LRMDA: variants seen among roughly 807,000 people sequenced by gnomAD.
LRMDA encodes leucine rich melanocyte differentiation associated.
LRMDA carries 18 observed loss-of-function variants against 29.8 expected under a neutral mutation model. That is an observed-to-expected ratio of 0.60 (90% CI 0.42 to 0.90). The LOEUF (loss-of-function observed/expected upper bound fraction) is 0.90, where lower values mean the gene tolerates loss of function less well. Among genes scored for constraint, LRMDA ranks in the 40% least tolerant of loss-of-function variants. The pLI, the probability that LRMDA is intolerant of heterozygous loss-of-function variation, is 0.00. For synonymous variants in LRMDA, 125 were observed against 109.4 expected (o/e 1.14, Z -0.89); for missense variants, 273 against 273.9 (o/e 1.00, Z 0.02).
chr10:75,591,942 C>A (rs1346045446), intron 2 of LRMDA, among the ~76,000 whole-genome samples: 1 of 151,562 alleles, frequency 6.6e-6, no homozygotes, highest in African/African-American at 2.4e-5. Flanking sequence ...TGTGAAAAGT[C>A]AAAAGAAGTG....
chr10:75,776,737 G>T (rs115249813), intron 2 of LRMDA, among the ~76,000 whole-genome samples: 1 of 152,148 alleles, frequency 6.6e-6, no homozygotes, highest in Non-Finnish European at 1.5e-5. Context: ...AATTTAAACC[G>T]CACCTGTTTA....
At chr10:75,907,368 A>G (rs751238609) in intron 2 of LRMDA, among the ~76,000 whole-genome samples, 1 of 152,208 alleles carries the variant, frequency 6.6e-6, no homozygotes, top group Non-Finnish European at 1.5e-5. Context: ...ACACATGCTG[A>G]TATTAGCTCG....
intron 6 of LRMDA, among the ~76,000 whole-genome samples, chr10:76,446,038 A>C (rs1314828194): frequency 6.6e-6 from 1 of 152,190 alleles, no homozygotes. Flanking sequence ...GTGTGTAGCT[A>C]GTCCTTTTAT....
chr10:76,506,833 C>T (rs1460437067), intron 6 of LRMDA, among the ~76,000 whole-genome samples: 5 of 151,776 alleles, frequency 3.3e-5, no homozygotes, highest in Non-Finnish European at 7.4e-5. Context: ...TTCCATTGTG[C>T]GTATATAACA....
intron 5 of LRMDA, among the ~76,000 whole-genome samples, chr10:76,228,881 G>A (rs560109285): frequency 2.0e-5 from 3 of 152,316 alleles, no homozygotes; most frequent in African/African-American, 7.2e-5. Flanking sequence ...TTTTGGGCAA[G>A]GCCTATTATT....
chr10:76,348,141 AC>A (rs1430925293), intron 6 of LRMDA, among the ~76,000 whole-genome samples: 7 of 152,136 alleles, frequency 4.6e-5, no homozygotes, highest in Admixed American at 4.6e-4. Context: ...TCAATGAAAA[AC>A]AGAGATTAGA....
At chr10:76,489,477 G>C (rs1245675764) in intron 6 of LRMDA, among the ~76,000 whole-genome samples, 2 of 151,338 alleles carry the variant, frequency 1.3e-5, no homozygotes, top group Non-Finnish European at 2.9e-5. Flanking sequence ...TAATTTCATT[G>C]ATCTTTTGTA....
intron 2 of LRMDA, among the ~76,000 whole-genome samples, chr10:76,031,634 G>C (rs1402962299): frequency 6.6e-6 from 1 of 152,106 alleles, no homozygotes; most frequent in Non-Finnish European, 1.5e-5. Context: ...ACAGGCAGCA[G>C]CCAGCCCTTG....
At chr10:76,001,999 T>G (rs1409205582) in intron 2 of LRMDA, among the ~76,000 whole-genome samples, 3 of 152,156 alleles carry the variant, frequency 2.0e-5, no homozygotes, top group Non-Finnish European at 4.4e-5. Context: ...CTTACTCAGC[T>G]TGGGCTGCCA....
intron 5 of LRMDA, among the ~76,000 whole-genome samples, chr10:76,074,893 T>C (rs1848933441): frequency 6.6e-6 from 1 of 152,166 alleles, no homozygotes; most frequent in African/African-American, 2.4e-5. Context: ...CACTGATAAC[T>C]CCTTGATGGA....
At chr10:76,349,461 C>A (rs1332390649) in intron 6 of LRMDA, among the ~76,000 whole-genome samples, 1 of 151,992 alleles carries the variant, frequency 6.6e-6, no homozygotes, top group Non-Finnish European at 1.5e-5. Context: ...GACTCACATA[C>A]ATACATATAT....
intron 2 of LRMDA, among the ~76,000 whole-genome samples, chr10:75,610,641 C>T (rs7081644): frequency 0.096 from 14,677 of 152,194 alleles, 2,250 homozygotes; most frequent in African/African-American, 0.32. Flanking sequence ...CTTTATGGGA[C>T]TGGCCCATGT....
At chr10:76,543,709 A>G (rs913296929) in intron 6 of LRMDA, among the ~76,000 whole-genome samples, 2 of 152,126 alleles carry the variant, frequency 1.3e-5, no homozygotes, top group Non-Finnish European at 2.9e-5. Flanking sequence ...AGAGAGCCTC[A>G]TCTTCTAGGG....
chr10:76,542,460 T>C (rs1395241066), intron 6 of LRMDA, among the ~76,000 whole-genome samples: 1 of 152,158 alleles, frequency 6.6e-6, no homozygotes, highest in Non-Finnish European at 1.5e-5. Flanking sequence ...CGTGATGAGA[T>C]ATAACCCCTG....
At chr10:75,772,869 T>TGGGGGGGGGGGGGA (rs1554824987) in intron 2 of LRMDA, among the ~76,000 whole-genome samples, 2 of 49,794 alleles carry the variant, frequency 4.0e-5, no homozygotes, top group African/African-American at 1.4e-4. Context: ...GGGGGTGGGA[T>TGGGGGGGGGGGGGA]GGGGGGGGGC....
intron 5 of LRMDA, among the ~76,000 whole-genome samples, chr10:76,070,228 T>A (rs1848853724): frequency 3.3e-5 from 5 of 152,068 alleles, no homozygotes; most frequent in Admixed American, 3.3e-4. Context: ...GATGTGTGGG[T>A]GAATGTGAGG....
chr10:76,125,317 A>C (rs1035005527), intron 5 of LRMDA, among the ~76,000 whole-genome samples: 8 of 152,136 alleles, frequency 5.3e-5, no homozygotes, highest in Non-Finnish European at 8.8e-5. Context: ...GTGCATGGAG[A>C]AGATTTGGAG....
At chr10:76,519,500 C>A (rs1843097564) in intron 6 of LRMDA, among the ~76,000 whole-genome samples, 1 of 152,110 alleles carries the variant, frequency 6.6e-6, no homozygotes, top group Non-Finnish European at 1.5e-5. Flanking sequence ...CCTGCAGAGA[C>A]AAAAACATAT....
chr10:76,026,828 G>A (rs1260943106), intron 2 of LRMDA, among the ~76,000 whole-genome samples: 4 of 152,158 alleles, frequency 2.6e-5, no homozygotes, highest in South Asian at 2.1e-4. Context: ...AGAAGCCATC[G>A]AATCTGATCT....
Sources: allele counts gnomAD v4.1 joint callset (sites outside exome capture counted in the v4.1 genomes callset), GRCh38; gene constraint gnomAD v4.1.1; transcripts MANE v1.5; gene names NCBI Gene and HGNC (gene_info 2026-07-23, HGNC 2026-07-21).